The following HS1BP3 variants were observed in gnomAD, a reference collection of about 807,000 sequenced individuals.
The protein encoded by HS1BP3 is HCLS1-binding protein 3.
Under a neutral mutation model 33.5 loss-of-function variants are expected in HS1BP3, and 32 were observed. The observed-to-expected ratio is 0.95, with a 90% CI of 0.72 to 1.28. HS1BP3 has a LOEUF of 1.28. Ranked by LOEUF, HS1BP3 falls within the 50% of genes most tolerant of loss-of-function variation. HS1BP3 has a pLI of 0.00. For missense variants in HS1BP3, 486 were observed against 502.3 expected, an observed-to-expected ratio of 0.97 and a Z score of 0.31; for synonymous variants, 187 against 209.2, an observed-to-expected ratio of 0.89 and a Z score of 0.92.
chr2:20,635,889 A>T lies in HS1BP3; in HGVS notation c.623+2547T>A, dbSNP rs1220120348. 5 of 152,258 alleles carry T rather than the reference A, an allele frequency of 3.3e-5. No individual in the cohort carries two copies. In the East Asian group the frequency reaches 9.7e-4, roughly 29 times the overall value. 9.4% of individuals were successfully genotyped at this position (152,258 alleles called of 1,614,324 possible). On this transcript the variant is annotated intron_variant, in intron 4 of 6. Coordinates refer to ENST00000304031, the MANE Select transcript of HS1BP3 (RefSeq NM_022460.4). ...CCCTAATCAAAACCAGGTTTAAAAG[A>T]CAAAGAAAAGCCAGGCCGGCCTGGG...
downstream of HS1BP3, among the ~76,000 whole-genome samples, chr2:20,559,990 C>T (rs549160667): frequency 1.3e-5 from 2 of 152,192 alleles, no homozygotes; most frequent in South Asian, 2.1e-4. Context: ...TCCTTAGCAG[C>T]GGGAATACCA....
downstream of HS1BP3, chr2:20,590,979 T>A (rs1291400930): frequency 2.4e-5 from 4 of 167,188 alleles, no homozygotes; most frequent in East Asian, 7.7e-4. Context: ...GCCCAATATT[T>A]GTCCATCAGG....
downstream of HS1BP3, among the ~76,000 whole-genome samples, chr2:20,557,061 T>A (rs143322345): frequency 3.0e-3 from 456 of 152,314 alleles, 1 homozygote; most frequent in Admixed American, 9.1e-3. Context: ...ACAATCTTTG[T>A]CTGAAAGGGT....
downstream of HS1BP3, among the ~76,000 whole-genome samples, chr2:20,557,641 G>A (rs371763473): frequency 5.9e-5 from 9 of 152,282 alleles, no homozygotes; most frequent in South Asian, 1.7e-3. Context: ...AAGTCTTTGG[G>A]TCCCTCTGAG....
rs1476844209 is a variant in HS1BP3, at chr2:20,641,195, G to C, written c.199-15C>G. The C allele has an allele frequency of 1.3e-6, 2 of 1,597,106 alleles. No individual in the cohort carries two copies. The highest frequency in any genetic ancestry group is 2.2e-5 in the East Asian group (1 of 44,848). On this transcript the variant is annotated splice_polypyrimidine_tract_variant and intron_variant, in intron 2 of 6. Transcript: ENST00000304031. ...TTTTTGGAGACCTGGAATGAGAGGA[G>C]CATGTGGTTTCCTGAGTGAAGAGTG...
chr2:20,577,908 C>G (rs908200040), intron 5 of HS1BP3, among the ~76,000 whole-genome samples: 1 of 152,260 alleles, frequency 6.6e-6, no homozygotes, highest in African/African-American at 2.4e-5. Context: ...CACCTGCAAA[C>G]ACATTTCCAG....
At chr2:20,602,572 G>A (rs1694093728) in intron 2 of HS1BP3, among the ~76,000 whole-genome samples, 1 of 151,440 alleles carries the variant, frequency 6.6e-6, no homozygotes, top group South Asian at 2.1e-4. Flanking sequence ...CTCTTTAACA[G>A]ATTCTCAAAT....
downstream of HS1BP3, among the ~76,000 whole-genome samples, chr2:20,559,051 C>A (rs527527564): frequency 2.8e-4 from 43 of 152,296 alleles, no homozygotes; most frequent in South Asian, 8.3e-3. Flanking sequence ...AGCGTGAATG[C>A]AGGAAGGAAA....
chr2:20,622,726 G>A (rs13412483), intron 6 of HS1BP3: 81 of 182,102 alleles, frequency 4.4e-4, no homozygotes, highest in Non-Finnish European at 8.2e-4. Context: ...CTGCTGCTCC[G>A]CAGGCAGACT....
rs532212196 is a variant in HS1BP3 at position 20,582,764 on chromosome 2, C to T, written c.303-22249G>A. ...TGTCATGGGGCAGACGTGACCTCAG[C>T]TCGCTGGGCTCAGCTCATCCTGCTC... On this transcript the variant is annotated intron_variant, in intron 5 of 5. Transcript: ENST00000446825. Among the ~76,000 whole-genome samples, 140 of 152,288 alleles carry T rather than the reference C, an allele frequency of 9.2e-4. 2 individuals carry two copies. The highest frequency in any genetic ancestry group is 3.3e-3 in the African/African-American group (137 of 41,562).
intron 2 of HS1BP3, chr2:20,606,504 C>T: frequency 2.1e-6 from 1 of 467,172 alleles, no homozygotes; most frequent in South Asian, 1.7e-5. Context: ...GTAGTTTTGT[C>T]AAACAAAACT....
chr2:20,567,919 G>A (rs1023212188), intron 5 of HS1BP3, among the ~76,000 whole-genome samples: 50 of 152,130 alleles, frequency 3.3e-4, no homozygotes, highest in Middle Eastern at 3.2e-3. Flanking sequence ...GCACCGAGGG[G>A]GAACTCAACG....
At chr2:20,572,352 T>C (rs999053830) in intron 5 of HS1BP3, among the ~76,000 whole-genome samples, 1 of 152,212 alleles carries the variant, frequency 6.6e-6, no homozygotes, top group Admixed American at 6.5e-5. Flanking sequence ...GCTATGGGGC[T>C]ACAGAGACTT....
At chr2:20,629,357 C>T (rs72782402) in intron 4 of HS1BP3, among the ~76,000 whole-genome samples, 35,604 of 152,190 alleles carry the variant, frequency 0.23, 4,888 homozygotes, top group Non-Finnish European at 0.31. Flanking sequence ...TGTCTGCAGG[C>T]GCAGGGCCTG....
chr2:20,632,294 A>C (rs995904812), intron 4 of HS1BP3, among the ~76,000 whole-genome samples: 2 of 152,246 alleles, frequency 1.3e-5, no homozygotes, highest in Non-Finnish European at 2.9e-5. Context: ...GCTGGTTCTC[A>C]CATGGGCGCT....
At chr2:20,627,097 T>C (rs186240256) in intron 4 of HS1BP3, among the ~76,000 whole-genome samples, 20 of 152,360 alleles carry the variant, frequency 1.3e-4, no homozygotes, top group African/African-American at 4.8e-4. Flanking sequence ...TGCCCGATGC[T>C]TCTCTCCCCT....
chr2:20,584,822 C>A (rs560659659), intron 5 of HS1BP3, among the ~76,000 whole-genome samples: 1 of 152,142 alleles, frequency 6.6e-6, no homozygotes, highest in Non-Finnish European at 1.5e-5. Flanking sequence ...GGGATGAGGG[C>A]TCTTCTCAAG....
At chr2:20,597,830 C>T (rs966305424) in intron 3 of HS1BP3, among the ~76,000 whole-genome samples, 1 of 152,148 alleles carries the variant, frequency 6.6e-6, no homozygotes, top group Admixed American at 6.5e-5. Context: ...TCCTGTTTCC[C>T]AGCCCGTAAA....
rs115653232 is a variant in HS1BP3 at position 20,629,773 on chromosome 2, C to T, written c.624-4881G>A. Among the ~76,000 whole-genome samples the T allele has an allele frequency of 2.8e-3, 422 of 152,362 alleles. 2 individuals are homozygous for T. The highest frequency in any genetic ancestry group is 9.4e-3 in the African/African-American group (392 of 41,584). ...GTGTATTCCTGACGGCAGACAGACG[C>T]GCAGACCAGGCCATGTTCTGCAGGC... On this transcript the variant is annotated intron_variant, in intron 4 of 6. Coordinates refer to ENST00000304031, the MANE Select transcript of HS1BP3 (RefSeq NM_022460.4).
Sources: gnomAD v4.1 joint callset for allele counts (sites outside exome capture counted in the v4.1 genomes callset) on GRCh38, gnomAD v4.1.1 for gene constraint, MANE v1.5 for transcripts, NCBI Gene and HGNC (gene_info 2026-07-23, HGNC 2026-07-21) for gene names.